The following PSD3 variants were observed in gnomAD, a reference collection of about 807,000 sequenced individuals.
The protein encoded by PSD3 is PH and SEC7 domain-containing protein 3.
In PSD3, 49 loss-of-function variants were observed where a neutral mutation model predicts 105.5. The ratio of observed to expected loss-of-function variants is 0.46; its 90% confidence interval spans 0.37 to 0.59. PSD3 has a LOEUF of 0.59. PSD3 is among the 20% of genes least tolerant of loss of function. PSD3 has a pLI of 0.00. For synonymous variants in PSD3, 557 were observed against 457.8 expected (o/e 1.22, Z -2.77); for missense variants, 1,561 against 1,263.8 (o/e 1.24, Z -3.57).
chr8:18,627,075 A>G (rs1478390136), intron 11 of PSD3, among the ~76,000 whole-genome samples: 1 of 152,154 alleles, frequency 6.6e-6, no homozygotes. Context: ...CTATGTAAGT[A>G]TATAAAACAA....
intron 2 of PSD3, among the ~76,000 whole-genome samples, chr8:18,908,180 G>A (rs1055372377): frequency 2.0e-5 from 3 of 152,158 alleles, no homozygotes; most frequent in African/African-American, 7.2e-5. Flanking sequence ...CTTTCAGAAT[G>A]AATGATTGGT....
chr8:18,737,077 T>A (rs1050174428), intron 9 of PSD3, among the ~76,000 whole-genome samples: 4 of 152,306 alleles, frequency 2.6e-5, no homozygotes, highest in East Asian at 1.9e-4. Context: ...TGGAATCACC[T>A]GGGGAGCATC....
chr8:18,770,282 G>C (rs534922318), intron 8 of PSD3, among the ~76,000 whole-genome samples: 2 of 152,016 alleles, frequency 1.3e-5, no homozygotes, highest in East Asian at 1.9e-4. Context: ...TTAGAGAAAG[G>C]CCTGTTAAAA....
intron 15 of PSD3, among the ~76,000 whole-genome samples, chr8:18,549,902 G>C (rs1285017496): frequency 6.6e-6 from 1 of 152,180 alleles, no homozygotes; most frequent in African/African-American, 2.4e-5. Context: ...AGTTGGAAGG[G>C]ATCTTATCAG....
chr8:18,616,813 C>T (rs906981846), intron 11 of PSD3, among the ~76,000 whole-genome samples: 25 of 151,194 alleles, frequency 1.7e-4, no homozygotes, highest in African/African-American at 5.8e-4. Flanking sequence ...TTAGTAGAGA[C>T]GGGGTTTCAC....
At chr8:18,984,011 T>TA (rs66481672) in intron 1 of PSD3, among the ~76,000 whole-genome samples, 4,307 of 132,588 alleles carry the variant, frequency 0.032, 166 homozygotes, top group African/African-American at 0.075. Flanking sequence ...TCTCATTATT[T>TA]AAAAAAAAAA....
At chr8:18,556,472 T>C in intron 14 of PSD3, 120 bp from the exon 15 acceptor site, 3 of 930,264 alleles carry the variant, frequency 3.2e-6, no homozygotes, top group Non-Finnish European at 3.2e-6. Context: ...CAGCCCAATG[T>C]GCCTCTGCTG....
At chr8:18,720,474 C>G (rs1802893766) in intron 9 of PSD3, among the ~76,000 whole-genome samples, 1 of 152,112 alleles carries the variant, frequency 6.6e-6, no homozygotes, top group South Asian at 2.1e-4. Context: ...AAAAGCAAAC[C>G]TCTATCCATA....
At chr8:18,850,676 A>G (rs1421166252) in intron 4 of PSD3, among the ~76,000 whole-genome samples, 1 of 152,184 alleles carries the variant, frequency 6.6e-6, no homozygotes, top group Non-Finnish European at 1.5e-5. Context: ...AGAAAAGGAA[A>G]GATAGTCACT....
chr8:18,922,649 G>GT (rs1563424444), intron 2 of PSD3, among the ~76,000 whole-genome samples: 24 of 152,284 alleles, frequency 1.6e-4, no homozygotes, highest in African/African-American at 5.3e-4. Context: ...CAGTCTCCAA[G>GT]ACTGCCCCTT....
At chr8:18,698,095 G>A (rs1333259017) in intron 9 of PSD3, among the ~76,000 whole-genome samples, 3 of 152,002 alleles carry the variant, frequency 2.0e-5, no homozygotes, top group African/African-American at 7.2e-5. Context: ...CACACAGGAT[G>A]TATTTTTGTT....
rs151170191 is a variant in PSD3 at position 18,660,185 on chromosome 8, G to C, written c.2173-4500C>G. 1.1e-3 allele frequency among the ~76,000 whole-genome samples: 172 copies of C among 152,242 alleles called. No individual in the cohort carries two copies. In the East Asian group the frequency reaches 0.021, roughly 19 times the overall value. ...AAATGCAATCACAAGTGTCTTTATAGAAGGCAGACGGAGATTTAAGAAAGA... is the reference window on the plus strand; with the variant it reads ...AAATGCAATCACAAGTGTCTTTATACAAGGCAGACGGAGATTTAAGAAAGA... On this transcript the variant is annotated intron_variant, in intron 9 of 15. Coordinates refer to ENST00000327040, the MANE Select transcript of PSD3 (RefSeq NM_015310.4).
intron 15 of PSD3, among the ~76,000 whole-genome samples, chr8:18,549,559 C>T (rs1800645870): frequency 6.6e-6 from 1 of 152,154 alleles, no homozygotes; most frequent in Admixed American, 6.5e-5. Context: ...CTCCACTGGA[C>T]TCATGGATTC....
At chr8:18,826,771 A>G (rs755284192) in intron 4 of PSD3, among the ~76,000 whole-genome samples, 3 of 152,222 alleles carry the variant, frequency 2.0e-5, no homozygotes, top group Non-Finnish European at 2.9e-5. Context: ...ATCAACTTTC[A>G]TTTTGTACTC....
intron 1 of PSD3, among the ~76,000 whole-genome samples, chr8:19,074,566 G>T (rs1361772513): frequency 7.6e-6 from 1 of 131,578 alleles, no homozygotes; most frequent in Non-Finnish European, 1.6e-5. Flanking sequence ...TGAATAAAAG[G>T]TATAATTTTA....
intron 1 of PSD3, among the ~76,000 whole-genome samples, chr8:18,999,721 ATACCTCTGTATAC>A: frequency 6.6e-6 from 1 of 151,868 alleles, no homozygotes; most frequent in African/African-American, 2.4e-5. Flanking sequence ...CATGAAGGAA[ATACCTCTGTATAC>A]TAACTACACC....
chr8:18,698,663 GACA>G (rs1297321505), intron 9 of PSD3, among the ~76,000 whole-genome samples: 2 of 152,118 alleles, frequency 1.3e-5, no homozygotes, highest in African/African-American at 4.8e-5. Context: ...ATTGTGTTAA[GACA>G]ACAAGTTTAT....
intron 1 of PSD3, among the ~76,000 whole-genome samples, chr8:19,025,389 G>C (rs1586641534): frequency 6.6e-6 from 1 of 152,260 alleles, no homozygotes; most frequent in Non-Finnish European, 1.5e-5. Context: ...TCACTCTCTT[G>C]AGTACACACA....
At chr8:19,058,529 A>C (rs1289636432) in intron 1 of PSD3, among the ~76,000 whole-genome samples, 2 of 150,610 alleles carry the variant, frequency 1.3e-5, no homozygotes, top group Non-Finnish European at 3.0e-5. Context: ...GTGTGTTAAA[A>C]TTCATAGAAC....
Sources: allele counts gnomAD v4.1 joint callset (sites outside exome capture counted in the v4.1 genomes callset), GRCh38; gene constraint gnomAD v4.1.1; transcripts MANE v1.5; gene names NCBI Gene and HGNC (gene_info 2026-07-23, HGNC 2026-07-21).